The following SNAP91 variants were observed in gnomAD, a reference collection of about 807,000 sequenced individuals.
The protein encoded by SNAP91 is clathrin coat assembly protein AP180.
In SNAP91, 27 loss-of-function variants were observed where a neutral mutation model predicts 100.3. That is an observed-to-expected ratio of 0.27 (90% CI 0.20 to 0.37). The LOEUF (loss-of-function observed/expected upper bound fraction) is 0.37, where lower values mean the gene tolerates loss of function less well. Ranked by LOEUF, SNAP91 falls within the 10% of genes least tolerant of loss-of-function variation. The pLI is 1.00. For missense variants in SNAP91, 986 were observed against 1,123.7 expected (o/e 0.88, Z 1.75); for synonymous variants, 404 against 398.6 (o/e 1.01, Z -0.16).
intron 28 of SNAP91, among the ~76,000 whole-genome samples, chr6:83,559,195 A>G (rs1208721793): frequency 1.3e-5 from 2 of 152,218 alleles, no homozygotes; most frequent in Non-Finnish European, 2.9e-5. Flanking sequence ...ATGAGATTTT[A>G]GGGCTGGGTC....
In SNAP91 at chr6:83,707,787, G is replaced by A. The variant is rs1299622379; in HGVS notation, c.130+11C>T. On this transcript the variant is annotated intron_variant, in intron 2 of 29. Coordinates refer to ENST00000369694, the MANE Select transcript of SNAP91 (RefSeq NM_001242792.2). ...CGTGCGCATGTCCCTCTTATATAAA[G>A]AGATGCTTACAGTCCAGGTGCTTTT... 6.2e-7 allele frequency: 1 copy of A among 1,612,660 alleles called. No homozygotes were observed. The highest frequency in any genetic ancestry group is 8.5e-7 in the Non-Finnish European group (1 of 1,179,466).
chr6:83,579,134 A>G (rs555912201), intron 24 of SNAP91, among the ~76,000 whole-genome samples: 1 of 152,202 alleles, frequency 6.6e-6, no homozygotes, highest in Admixed American at 6.5e-5. Flanking sequence ...TGATTATTGT[A>G]GCTTTGTAGA....
chr6:83,687,309 T>C (rs1192253280), intron 2 of SNAP91, among the ~76,000 whole-genome samples: 1 of 152,154 alleles, frequency 6.6e-6, no homozygotes, highest in Non-Finnish European at 1.5e-5. Flanking sequence ...TGGCAGCAAA[T>C]TATTTCATGT....
intron 7 of SNAP91, among the ~76,000 whole-genome samples, chr6:83,646,400 A>C (rs1032742401): frequency 3.3e-5 from 5 of 152,196 alleles, no homozygotes; most frequent in Non-Finnish European, 5.9e-5. Context: ...TAATATTTGT[A>C]AAGGGTATAA....
intron 14 of SNAP91, among the ~76,000 whole-genome samples, chr6:83,605,182 G>A (rs762074998): frequency 3.3e-5 from 5 of 151,836 alleles, no homozygotes; most frequent in Non-Finnish European, 7.4e-5. Context: ...GATTTTTCTG[G>A]TACAAATAAG....
chr6:83,627,832 G>A (rs796184696), intron 8 of SNAP91, among the ~76,000 whole-genome samples: 7 of 151,874 alleles, frequency 4.6e-5, no homozygotes, highest in African/African-American at 1.7e-4. Flanking sequence ...TGTTTTGGGG[G>A]TGTCAATTTC....
At position 83,576,043 on chromosome 6, in the gene SNAP91, A is replaced by C; in HGVS notation, c.2310T>G (p.Ile770Met). The part of the protein sequence containing the change: ...SLASLVGNLG[I>M]SGTTTKKGDL... ...CTTACTTTTTTGTTGTGGTACCAGA[A>C]ATTCCAAGATCTATAAATGGATAAA... Residue 770 changes from isoleucine (I) to methionine (M), a missense_variant, in exon 25 of 30, where the codon ATT (isoleucine) becomes ATG (methionine). Coordinates refer to ENST00000369694, the MANE Select transcript of SNAP91 (RefSeq NM_001242792.2). 7.1e-7 allele frequency: 1 copy of C among 1,407,056 alleles called. No homozygotes were observed. Among genetic ancestry groups the C allele is most frequent in the Non-Finnish European group, 9.7e-7 (1 of 1,028,734 alleles). 87.2% of individuals were successfully genotyped at this position (1,407,056 alleles called of 1,614,324 possible). A position where few individuals can be genotyped will look rare whatever the true frequency, so the allele number is the denominator to read the frequency against.
At chr6:83,637,181 G>A (rs970253903) in intron 8 of SNAP91, among the ~76,000 whole-genome samples, 3 of 152,214 alleles carry the variant, frequency 2.0e-5, no homozygotes, top group African/African-American at 7.2e-5. Flanking sequence ...GTCCAAGTTT[G>A]TTTCCAGGCC....
chr6:83,629,165 A>G (rs1272983958), intron 8 of SNAP91, among the ~76,000 whole-genome samples: 1 of 151,900 alleles, frequency 6.6e-6, no homozygotes, highest in East Asian at 1.9e-4. Context: ...GAAGATCAGT[A>G]AGCTGTAAGT....
chr6:83,582,412 A>G (rs980190989), intron 22 of SNAP91, 56 bp from the exon 23 acceptor site: 35 of 1,525,814 alleles, frequency 2.3e-5, no homozygotes, highest in Non-Finnish European at 3.1e-5. Flanking sequence ...GGTAAAGGCC[A>G]TAAAAACTGA....
intron 13 of SNAP91, among the ~76,000 whole-genome samples, chr6:83,607,094 T>C (rs376196901): frequency 2.0e-5 from 3 of 152,146 alleles, no homozygotes; most frequent in African/African-American, 7.2e-5. Context: ...TTAAGGCAAA[T>C]GAACTAAGGA....
At chr6:83,585,433 G>A (rs528082838) in intron 22 of SNAP91, among the ~76,000 whole-genome samples, 4 of 152,144 alleles carry the variant, frequency 2.6e-5, no homozygotes, top group African/African-American at 4.8e-5. Context: ...GGAGGCTGAA[G>A]TGGGAGGATT....
At chr6:83,663,664 C>T (rs141035018) in intron 3 of SNAP91, among the ~76,000 whole-genome samples, 165 of 152,142 alleles carry the variant, frequency 1.1e-3, no homozygotes, top group African/African-American at 3.9e-3. Context: ...AGGAAAGAAG[C>T]CATCTCCACA....
At position 83,661,534 on chromosome 6, in the gene SNAP91, C is replaced by T. The variant is rs763132231; in HGVS notation, c.420G>A (p.Gln140=). 2 of 1,610,686 alleles carry T rather than the reference C, an allele frequency of 1.2e-6. No individual in the cohort carries two copies. Among genetic ancestry groups the T allele is most frequent in the Non-Finnish European group, 1.7e-6 (2 of 1,178,400 alleles). The change falls in exon 5 of 30, where the codon CAG becomes CAA. Residue 140 remains glutamine (Q), a synonymous_variant. Transcript: ENST00000369694. The part of the protein sequence containing the change: ...YLNEKAFSYR[Q]MAFDFARVKK... ...TCACCCTGGCAAAATCAAAGGCCAT[C>T]TGTCTGTAAGAAAAAGCCTTTTCAT...
chr6:83,651,615 T>C (rs573533534), intron 7 of SNAP91, among the ~76,000 whole-genome samples: 93 of 152,310 alleles, frequency 6.1e-4, no homozygotes, highest in African/African-American at 2.1e-3. Flanking sequence ...GGTTGTATGA[T>C]TCCTATTATT....
In SNAP91 at chr6:83,560,090, T is replaced by C. The variant is rs781062586; in HGVS notation, c.2631+14A>G. Reference sequence around the variant, plus strand: ...AGTTAATGTCACTGATTTGTGGACATTGAAGAAACTGACCTGCGTGCCAGG... The same window carrying C: ...AGTTAATGTCACTGATTTGTGGACACTGAAGAAACTGACCTGCGTGCCAGG... On this transcript the variant is annotated intron_variant, in intron 28 of 29. Transcript: ENST00000369694. The C allele has an allele frequency of 5.6e-6, 9 of 1,603,920 alleles. No homozygotes were observed. The highest frequency in any genetic ancestry group is 4.0e-5 in the African/African-American group (3 of 74,760).
intron 6 of SNAP91, among the ~76,000 whole-genome samples, chr6:83,657,406 TTA>T (rs2128706495): frequency 6.6e-6 from 1 of 152,288 alleles, no homozygotes; most frequent in Non-Finnish European, 1.5e-5. Context: ...CTTTTTCCCT[TTA>T]TGACTTTCTC....
chr6:83,559,599 G>T (rs1282629950), intron 28 of SNAP91, among the ~76,000 whole-genome samples: 1 of 152,182 alleles, frequency 6.6e-6, no homozygotes, highest in Non-Finnish European at 1.5e-5. Flanking sequence ...CAGCTAGTCT[G>T]AAGTGGGGGT....
At chr6:83,680,061 C>A (rs776611817) in intron 2 of SNAP91, among the ~76,000 whole-genome samples, 2 of 152,090 alleles carry the variant, frequency 1.3e-5, no homozygotes, top group African/African-American at 2.4e-5. Flanking sequence ...GAGCTAAAAG[C>A]AACTCAGTCA....
Sources: gnomAD v4.1 joint callset for allele counts (sites outside exome capture counted in the v4.1 genomes callset) on GRCh38, gnomAD v4.1.1 for gene constraint, MANE v1.5 for transcripts, NCBI Gene and HGNC (gene_info 2026-07-23, HGNC 2026-07-21) for gene names.